Variants in FLG observed in about 807,000 individuals in gnomAD.
The protein encoded by FLG is filaggrin.
FLG carries 6 observed loss-of-function variants against 3.8 expected under a neutral mutation model. The ratio of observed to expected loss-of-function variants is 1.60; its 90% CI spans 0.87 to 3.15. The LOEUF (loss-of-function observed/expected upper bound fraction) is 3.15. FLG is among the 30% of genes most tolerant of loss of function. FLG has a pLI of 0.00. For synonymous variants in FLG, 2,551 were observed against 1,931.6 expected, an observed-to-expected ratio of 1.32 and a Z score of -8.41; for missense variants, 7,595 against 5,050.9, an observed-to-expected ratio of 1.50 and a Z score of -15.27.
rs147453929 is a variant in FLG, at chr1:152,309,237, C to G, written c.5649G>C (p.Ser1883=). The change falls in exon 3 of 3, where the codon TCG becomes TCC. Residue 1883 remains serine, a synonymous_variant. Coordinates refer to ENST00000368799, the MANE Select transcript of FLG (RefSeq NM_002016.2). ...QSGDGSRHSG[S]RHHEASSRAD... ...CCCGAGAGGAAGCTTCATGGTGACG[C>G]GACCCTGAGTGCCTGGAGCCGTCTC... 3 of 1,613,026 alleles carry G rather than the reference C, an allele frequency of 1.9e-6. No individual in the cohort carries two copies. The highest frequency in any genetic ancestry group is 1.1e-5 in the South Asian group (1 of 91,016).
chr1:152,324,558 C>A (rs967072474), intron 1 of FLG, among the ~76,000 whole-genome samples: 1 of 151,914 alleles, frequency 6.6e-6, no homozygotes, highest in Non-Finnish European at 1.5e-5. Context: ...GCACTTTCCT[C>A]CTCCCTCCCA....
Position 152,309,405 on chromosome 1 carries a change from G to A in FLG, c.5481C>T (p.Ser1827=). ...PGSSRGGRQG[S]HYEQSVDSSG... ...AACTATCTACCGATTGCTCATAGTGGGATCCCTGCCTTCCTCCTCTGCTTG... is the reference window on the plus strand; with the variant it reads ...AACTATCTACCGATTGCTCATAGTGAGATCCCTGCCTTCCTCCTCTGCTTG... Residue 1827 remains serine, a synonymous_variant, in exon 3 of 3, where the codon TCC becomes TCT. Transcript: ENST00000368799. 1.9e-6 allele frequency: 3 copies of A among 1,613,616 alleles called. No homozygotes were observed. The highest frequency in any genetic ancestry group is 2.5e-6 in the Non-Finnish European group (3 of 1,179,948).
In FLG at chr1:152,307,173, A is replaced by G. The variant is rs748983251; in HGVS notation, c.7713T>C (p.Ser2571=). The part of the protein sequence containing the change: ...RNWGSSFSQD[S]DSQGHSEDSE... ...AGTCTTCTGAGTGTCCCTGACTGTC[A>G]CTGTCCTGGCTAAAACTGGATCCCC... Residue 2571 remains serine (S), a synonymous_variant, in exon 3 of 3, where the codon AGT becomes AGC. Coordinates refer to ENST00000368799, the MANE Select transcript of FLG (RefSeq NM_002016.2). 4.1e-5 allele frequency: 66 copies of G among 1,612,304 alleles called. No homozygotes were observed. In the Admixed American group the frequency reaches 1.1e-3, roughly 26 times the overall value.
In FLG at chr1:152,310,362, T is replaced by G. The variant is rs760272161; in HGVS notation, c.4524A>C (p.Ser1508=). The G allele has an allele frequency of 4.3e-6, 7 of 1,613,692 alleles. No homozygotes were observed. In the East Asian group the frequency reaches 1.6e-4, roughly 36 times the overall value. The change falls in exon 3 of 3, where the codon TCA becomes TCC. Residue 1508 remains serine, a synonymous_variant. Coordinates refer to ENST00000368799, the MANE Select transcript of FLG (RefSeq NM_002016.2). ...ACCCTGAGTGTCCAGACCTATCTAC[T>G]GATTGCTCGTGGTAGGATCCCTGCC... ...GGRQGSYHEQ[S]VDRSGHSGYH... is the part of the protein sequence containing the mutation.
rs940289052 is a variant in FLG, at chr1:152,310,920, A to G, written c.3966T>C (p.Ser1322=). Residue 1322 remains serine, a synonymous_variant, in exon 3 of 3, where the codon TCT becomes TCC. Transcript: ENST00000368799. ...HQEDRASHGH[S]ADSSRQSGTH... Reference sequence around the variant, plus strand: ...TGCCTGATTGTCTGGAGCTGTCTGCAGAGTGCCCGTGACTGGCTCTGTCTT... The same window carrying G: ...TGCCTGATTGTCTGGAGCTGTCTGCGGAGTGCCCGTGACTGGCTCTGTCTT... 1 of 1,613,792 alleles carries G rather than the reference A, an allele frequency of 6.2e-7. No homozygotes were observed. Among genetic ancestry groups the G allele is most frequent in the Non-Finnish European group, 8.5e-7 (1 of 1,179,960 alleles).
At chr1:152,317,402 A>G (rs1198154451) in intron 1 of FLG, among the ~76,000 whole-genome samples, 1 of 152,058 alleles carries the variant, frequency 6.6e-6, no homozygotes, top group Non-Finnish European at 1.5e-5. Context: ...TAAAAAATGT[A>G]TTAAAACTCT....
rs770823601 is a variant in FLG, at chr1:152,308,700, C to G, written c.6186G>C (p.Gln2062His). ...TCTGCTGATGGGGCCCAGCTTTTCC[C>G]TGTGCTGACACTGACTGTGTGTCTG... ...EDSDTQSVSA[Q>H]GKAGPHQQSH... Residue 2062 changes from glutamine (Q) to histidine (H), a missense_variant, in exon 3 of 3, where the codon CAG becomes CAC. Physicochemically the swap from Gln to His is conservative, Grantham distance 24. Coordinates refer to ENST00000368799, the MANE Select transcript of FLG (RefSeq NM_002016.2). 22 of 1,614,006 alleles carry G rather than the reference C, an allele frequency of 1.4e-5. No homozygotes were observed. Among genetic ancestry groups the G allele is most frequent in the African/African-American group, 1.2e-4 (9 of 74,924 alleles).
rs1342380501 is a variant in FLG, at chr1:152,309,480, C to T, written c.5406G>A (p.Arg1802=). Residue 1802 remains arginine (R), a synonymous_variant, in exon 3 of 3, where the codon AGG becomes AGA. Transcript: ENST00000368799. ...CCTGACCCTCTTGGGACGCTGAGTG[C>T]CTGGAGCTGTCTCGTGCCTGCTCGT... is the stretch of plus-strand genomic sequence containing the variant. ...SRHEQARDSS[R]HSASQEGQDT... 1 of 1,613,696 alleles carries T rather than the reference C, an allele frequency of 6.2e-7. No homozygotes were observed. Among genetic ancestry groups the T allele is most frequent in the Non-Finnish European group, 8.5e-7 (1 of 1,179,938 alleles).
In FLG at chr1:152,311,091, G is replaced by T. The variant is rs1468459706; in HGVS notation, c.3795C>A (p.His1265Gln). 11 of 1,613,760 alleles carry T rather than the reference G, an allele frequency of 6.8e-6. No homozygotes were observed. The highest frequency in any genetic ancestry group is 2.7e-5 in the African/African-American group (2 of 74,826). Reference protein sequence around the residue: ...EQSSGSRTSRHQGSSVSQDSD... With the variant: ...EQSSGSRTSRQQGSSVSQDSD... Reference sequence around the variant, plus strand: ...TGTCCTGGCTAACACTGGATCCCTGGTGCCTGCTTGTCCTGGACCCCGATG... The same window carrying T: ...TGTCCTGGCTAACACTGGATCCCTGTTGCCTGCTTGTCCTGGACCCCGATG... Residue 1265 changes from histidine (H) to glutamine (Q), a missense_variant, in exon 3 of 3, where the codon CAC becomes CAA. Physicochemically the swap from His to Gln is conservative, Grantham distance 24. Coordinates refer to ENST00000368799, the MANE Select transcript of FLG (RefSeq NM_002016.2).
rs1557874338 is a variant in FLG at position 152,307,564 on chromosome 1, G to A, written c.7322C>T (p.Ser2441Phe). 58 of 1,613,834 alleles carry A rather than the reference G, an allele frequency of 3.6e-5. No homozygotes were observed. The highest frequency in any genetic ancestry group is 4.7e-5 in the Non-Finnish European group (55 of 1,179,956). Reference sequence around the variant, plus strand: ...GCTGTCTCGTGCCTGCTTGTGGTGGGATCCTTGTCTTCCTCCAGTGCTGGT... The same window carrying A: ...GCTGTCTCGTGCCTGCTTGTGGTGGAATCCTTGTCTTCCTCCAGTGCTGGT... ...TGTSTGGRQG[S>F]HHKQARDSSR... Residue 2441 changes from serine to phenylalanine, a missense_variant, in exon 3 of 3, where the codon TCC (serine) becomes TTC (phenylalanine). By Grantham distance (155) the Ser-to-Phe change is radical (BLOSUM62 -2). Coordinates refer to ENST00000368799, the MANE Select transcript of FLG (RefSeq NM_002016.2).
Position 152,309,298 on chromosome 1 carries a change from C to T in FLG, c.5588G>A (p.Ser1863Asn), listed in dbSNP as rs989958262. 1.9e-6 allele frequency: 3 copies of T among 1,613,836 alleles called. No individual in the cohort carries two copies. In the Admixed American group the frequency reaches 5.0e-5, roughly 27 times the overall value. ...DVSRGQSGSRSVSRQTRNEKQ... is the reference protein window; with the variant it reads ...DVSRGQSGSRNVSRQTRNEKQ... ...CTCATTACGTGTTTGTCTGCTGACA[C>T]TTCTGGATCCTGACTGCCCACGGGA... Residue 1863 changes from serine (S) to asparagine (N), a missense_variant, in exon 3 of 3, where the codon AGT (serine) becomes AAT (asparagine). By Grantham distance (46) the Ser-to-Asn change is conservative. Transcript: ENST00000368799.
Position 152,314,733 on chromosome 1 carries a change from TGG to T in FLG, c.151_152del (p.Pro51ArgfsTer4). 1 of 1,613,860 alleles carries T rather than the reference TGG, an allele frequency of 6.2e-7. No homozygotes were observed. Among genetic ancestry groups the T allele is most frequent in the Non-Finnish European group, 8.5e-7 (1 of 1,179,742 alleles). On this transcript the variant is annotated frameshift_variant, in exon 3 of 3. Coordinates refer to ENST00000368799, the MANE Select transcript of FLG (RefSeq NM_002016.2). LOFTEE classifies it low-confidence loss of function (END_TRUNC). ...FRQILKNPDDPDMVDVFMDHL... is the reference protein window; with the variant it reads ...FRQILKNPDDXDMVDVFMDHL... The stretch of plus-strand genomic sequence containing the variant: ...GATCCATGAAGACATCAACCATATC[TGG>T]GTCATCTGGATTCTGTACAGAGGGA...
chr1:152,307,516 T>G lies in FLG; in HGVS notation c.7370A>C (p.Glu2457Ala). Residue 2457 changes from glutamate (E) to alanine (A), a missense_variant, in exon 3 of 3, where the codon GAG becomes GCG. Coordinates refer to ENST00000368799, the MANE Select transcript of FLG (RefSeq NM_002016.2). ...GTGTCCATGAATGGTGTCCTGACCC[T>G]CTTGGGACGTTGAGTGCCTGGAGCT... ...RDSSRHSTSQ[E>A]GQDTIHGHPG... 6.2e-7 allele frequency: 1 copy of G among 1,613,544 alleles called. No individual in the cohort carries two copies. The highest frequency in any genetic ancestry group is 2.2e-5 in the East Asian group (1 of 44,768).
Position 152,310,697 on chromosome 1 carries a change from T to C in FLG, c.4189A>G (p.Asn1397Asp), listed in dbSNP as rs112252908. The C allele has an allele frequency of 4.2e-4, 678 of 1,613,608 alleles. 12 individuals are homozygous for C. The African/African-American group carries it at 5.7e-3, about 14-fold the overall frequency. Residue 1397 changes from asparagine (N) to aspartate (D), a missense_variant, in exon 3 of 3, where the codon AAC becomes GAC. Coordinates refer to ENST00000368799, the MANE Select transcript of FLG (RefSeq NM_002016.2). ...HRGSSGSQVTNSEGHSEDSDT... is the reference protein window; with the variant it reads ...HRGSSGSQVTDSEGHSEDSDT... ...GAGTCTTCTGAATGTCCCTCACTGT[T>C]AGTGACCTGACTACCACTGGACCCT... is the stretch of plus-strand genomic sequence containing the variant.
chr1:152,324,324 C>A (rs572825847), intron 1 of FLG, among the ~76,000 whole-genome samples: 1 of 151,852 alleles, frequency 6.6e-6, no homozygotes, highest in Non-Finnish European at 1.5e-5. Context: ...CTGTGCCCCT[C>A]TTTACATGAG....
chr1:152,302,977 GA>G lies in FLG; in HGVS notation c.11908del (p.Ser3970GlnfsTer3). 6 of 1,614,126 alleles carry G rather than the reference GA, an allele frequency of 3.7e-6. No homozygotes were observed. The highest frequency in any genetic ancestry group is 5.1e-6 in the Non-Finnish European group (6 of 1,180,022). On this transcript the variant is annotated frameshift_variant, in exon 3 of 3. Coordinates refer to ENST00000368799, the MANE Select transcript of FLG (RefSeq NM_002016.2). LOFTEE classifies it low-confidence loss of function (END_TRUNC). ...SEGTERQKGQSGLVWRHGSYG... is the reference protein window; with the variant it reads ...SEGTERQKGQXGLVWRHGSYG... ...GCTGCCATGTCTCCAAACTAAACCTGATTGACCTTTTTGCCTTTCAGTGCCC... is the reference window on the plus strand; with the variant it reads ...GCTGCCATGTCTCCAAACTAAACCTGTTGACCTTTTTGCCTTTCAGTGCCC...
rs1473651863 is a variant in FLG at position 152,302,577 on chromosome 1, AG to A, written c.*122del. ...TACCACCAAACTAATGAAATACTAT[AG>A]CATATTTTAAACAGATTGACAGGAA... On this transcript the variant is annotated 3_prime_UTR_variant, in exon 3 of 3. Transcript: ENST00000368799. 8.1e-7 allele frequency: 1 copy of A among 1,239,060 alleles called. No homozygotes were observed. Among genetic ancestry groups the A allele is most frequent in the African/African-American group, 1.5e-5 (1 of 65,920 alleles). 76.8% of individuals were successfully genotyped at this position (1,239,060 alleles called of 1,614,324 possible).
rs1343421952 is a variant in FLG at position 152,313,227 on chromosome 1, T to C, written c.1659A>G (p.Gly553=). The C allele has an allele frequency of 1.7e-5, 27 of 1,613,754 alleles. No homozygotes were observed. The highest frequency in any genetic ancestry group is 2.0e-5 in the Non-Finnish European group (24 of 1,180,006). ...GSHHSHTTSQ[G]RSDASHGQSG... is the part of the protein sequence containing the mutation. ...ACTGCCCATGGGAGGCATCAGACCT[T>C]CCCTGGGATGTGGTGTGGCTGTGAT... The change falls in exon 3 of 3, where the codon GGA becomes GGG. Residue 553 remains glycine (G), a synonymous_variant. Transcript: ENST00000368799.
In FLG at chr1:152,315,467, T is replaced by A; in HGVS notation, c.-11A>T. 1 of 1,609,468 alleles carries A rather than the reference T, an allele frequency of 6.2e-7. No homozygotes were observed. Among genetic ancestry groups the A allele is most frequent in the South Asian group, 1.1e-5 (1 of 90,054 alleles). ...CAGGAGAGTAGACATCTTTTGGCAA[T>A]AAATGTGAACCTAGAAAGAAGAAAT... On this transcript the variant is annotated 5_prime_UTR_variant, in exon 2 of 3. Coordinates refer to ENST00000368799, the MANE Select transcript of FLG (RefSeq NM_002016.2).
Sources: allele counts gnomAD v4.1 joint callset (sites outside exome capture counted in the v4.1 genomes callset), GRCh38; gene constraint gnomAD v4.1.1; transcripts MANE v1.5; gene names NCBI Gene and HGNC (gene_info 2026-07-23, HGNC 2026-07-21).